The following CAB39L variants were observed in gnomAD, a reference collection of about 807,000 sequenced individuals.
The protein encoded by CAB39L is calcium-binding protein 39-like.
In CAB39L, 23 loss-of-function variants were observed where a neutral mutation model predicts 39.1. That is an observed-to-expected ratio of 0.59 (90% CI 0.42 to 0.83). CAB39L has a LOEUF of 0.83. Among genes scored for constraint, CAB39L ranks in the 40% least tolerant of loss-of-function variants. The probability of loss-of-function intolerance (pLI) is 0.00; values close to 1 mark genes in which losing one functional copy is unlikely to be tolerated. For synonymous variants in CAB39L, 126 were observed against 137.2 expected (o/e 0.92, Z 0.57); for missense variants, 366 against 391.9 (o/e 0.93, Z 0.56).
chr13:49,401,989 AT>A (rs1178457217), intron 3 of CAB39L, among the ~76,000 whole-genome samples: 2 of 152,188 alleles, frequency 1.3e-5, no homozygotes, highest in African/African-American at 4.8e-5. Context: ...TATGAAAAAA[AT>A]GTATTTCTTA....
intron 3 of CAB39L, among the ~76,000 whole-genome samples, chr13:49,402,150 T>G (rs1036608639): frequency 2.0e-5 from 3 of 151,896 alleles, no homozygotes; most frequent in Admixed American, 6.6e-5. Context: ...GGAAAGAAGG[T>G]TTTTTTTCCC....
At chr13:49,410,816 T>A (rs973175435) in intron 3 of CAB39L, among the ~76,000 whole-genome samples, 4 of 152,096 alleles carry the variant, frequency 2.6e-5, no homozygotes, top group Non-Finnish European at 5.9e-5. Context: ...AAAATCTCTA[T>A]GGAATTCATC....
At chr13:49,329,087 T>C (rs1954590416) in intron 10 of CAB39L, among the ~76,000 whole-genome samples, 2 of 152,220 alleles carry the variant, frequency 1.3e-5, no homozygotes, top group South Asian at 4.1e-4. Context: ...AATCCCTCCA[T>C]GATCAAATAT....
At chr13:49,348,060 C>A (rs1955233060) in intron 7 of CAB39L, among the ~76,000 whole-genome samples, 1 of 152,128 alleles carries the variant, frequency 6.6e-6, no homozygotes, top group Non-Finnish European at 1.5e-5. Flanking sequence ...TTCAGGGAGA[C>A]CATAGGACGC....
At chr13:49,426,838 T>C (rs2407616) in intron 3 of CAB39L, among the ~76,000 whole-genome samples, 103,867 of 152,116 alleles carry the variant, frequency 0.68, 36,382 homozygotes, top group East Asian at 0.87. Context: ...ACTATACGTG[T>C]TTGTTTCTCT....
chr13:49,347,475 CT>C lies in CAB39L; in HGVS notation c.565-3238del, dbSNP rs1297507191. On this transcript the variant is annotated intron_variant, in intron 7 of 10. Coordinates refer to ENST00000409308, the MANE Select transcript of CAB39L (RefSeq NM_001079670.3). The stretch of plus-strand genomic sequence containing the variant: ...ATGTTTGTAATTATGTGAAGGCTTA[CT>C]TTTTTTTAAAAAATGAATTTACTTG... 4.6e-5 allele frequency among the ~76,000 whole-genome samples: 7 copies of C among 151,870 alleles called. No homozygotes were observed. The East Asian group carries it at 1.3e-3, about 29-fold the overall frequency.
Position 49,378,440 on chromosome 13 carries a change from G to A in CAB39L, c.112-1309C>T, listed in dbSNP as rs1956153671. On this transcript the variant is annotated intron_variant, in intron 4 of 10. Coordinates refer to ENST00000409308, the MANE Select transcript of CAB39L (RefSeq NM_001079670.3). ...GGGTCAGCCCCCCGCCCGGCCAGCC[G>A]CCCCGTCGGGAGGTGAGGGGTGCCT... 3.0e-5 allele frequency among the ~76,000 whole-genome samples: 2 copies of A among 65,976 alleles called. 1 individual carries two copies. The highest frequency in any genetic ancestry group is 2.0e-4 in the African/African-American group (2 of 10,100). 43.3% of individuals were successfully genotyped at this position (65,976 alleles called of 152,430 possible). A position where few individuals can be genotyped will look rare whatever the true frequency, so the allele number is the denominator to read the frequency against.
At chr13:49,367,930 C>A (rs1187389855) in intron 5 of CAB39L, among the ~76,000 whole-genome samples, 262 of 134,770 alleles carry the variant, frequency 1.9e-3, no homozygotes, top group African/African-American at 1.9e-3. Flanking sequence ...GACCCTGTCT[C>A]AAAAAAAAAA....
intron 3 of CAB39L, among the ~76,000 whole-genome samples, chr13:49,408,987 T>C (rs892975052): frequency 2.0e-5 from 3 of 152,164 alleles, no homozygotes; most frequent in Non-Finnish European, 4.4e-5. Context: ...AATTTCTAAG[T>C]CCCACTTTCA....
chr13:49,421,786 A>G (rs1054727680), intron 3 of CAB39L, among the ~76,000 whole-genome samples: 3 of 152,066 alleles, frequency 2.0e-5, no homozygotes, highest in African/African-American at 4.8e-5. Context: ...TCAACTGAGA[A>G]CAGGGAGAGA....
chr13:49,339,551 C>T (rs1566074294), intron 9 of CAB39L, 126 bp downstream of exon 9: 14 of 1,048,336 alleles, frequency 1.3e-5, no homozygotes, highest in Non-Finnish European at 1.6e-5. Flanking sequence ...ATAGTAAATA[C>T]TTCTCAAGTT....
chr13:49,384,549 G>A (rs1467177243), intron 3 of CAB39L, among the ~76,000 whole-genome samples: 1 of 152,166 alleles, frequency 6.6e-6, no homozygotes, highest in Non-Finnish European at 1.5e-5. Flanking sequence ...AGATCCATTA[G>A]AGGAATCACT....
chr13:49,327,377 T>C (rs1954536883), intron 10 of CAB39L, among the ~76,000 whole-genome samples: 1 of 152,094 alleles, frequency 6.6e-6, no homozygotes, highest in African/African-American at 2.4e-5. Flanking sequence ...AATATCGGCT[T>C]ACTGCAACCT....
chr13:49,421,706 G>C (rs571529018), intron 3 of CAB39L, among the ~76,000 whole-genome samples: 1 of 152,094 alleles, frequency 6.6e-6, no homozygotes, highest in Non-Finnish European at 1.5e-5. Flanking sequence ...GGTACCAGTG[G>C]AGGCCTAGTG....
At chr13:49,379,845 T>C (rs952386375) in intron 4 of CAB39L, among the ~76,000 whole-genome samples, 2 of 137,628 alleles carry the variant, frequency 1.5e-5, no homozygotes, top group Admixed American at 7.2e-5. Context: ...CTAAATAATC[T>C]TTTTTTTTTT....
intron 10 of CAB39L, among the ~76,000 whole-genome samples, chr13:49,327,016 A>G (rs1002500723): frequency 1.3e-5 from 2 of 152,022 alleles, no homozygotes; most frequent in African/African-American, 4.8e-5. Flanking sequence ...GGCCTACAGC[A>G]CTCTATTTTT....
intron 5 of CAB39L, among the ~76,000 whole-genome samples, chr13:49,360,512 C>T (rs923914171): frequency 1.3e-5 from 2 of 152,186 alleles, no homozygotes; most frequent in Non-Finnish European, 2.9e-5. Context: ...ACAAGACCTG[C>T]ACTCTCATAC....
intron 8 of CAB39L, among the ~76,000 whole-genome samples, chr13:49,342,157 C>T (rs1259912567): frequency 6.6e-6 from 1 of 152,012 alleles, no homozygotes; most frequent in Admixed American, 6.6e-5. Flanking sequence ...ATGTTGCAAC[C>T]TTTGTCTAGG....
chr13:49,411,986 C>T (rs1594076227), intron 3 of CAB39L, among the ~76,000 whole-genome samples: 2 of 152,232 alleles, frequency 1.3e-5, no homozygotes, highest in East Asian at 3.9e-4. Flanking sequence ...TAGCCCACTG[C>T]CACTGGACTC....
Sources: allele counts gnomAD v4.1 joint callset (sites outside exome capture counted in the v4.1 genomes callset), GRCh38; gene constraint gnomAD v4.1.1; transcripts MANE v1.5; gene names NCBI Gene and HGNC (gene_info 2026-07-23, HGNC 2026-07-21).